Variants in ZFYVE9 observed in about 807,000 individuals in gnomAD.
ZFYVE9 encodes zinc finger FYVE domain-containing protein 9.
ZFYVE9 carries 43 observed loss-of-function variants against 126.7 expected under a neutral mutation model. The observed-to-expected ratio is 0.34, with a 90% CI of 0.27 to 0.44. The LOEUF is 0.44. ZFYVE9 is among the 20% of genes least tolerant of loss of function. The pLI is 1.00. For synonymous variants in ZFYVE9, 521 were observed against 597.4 expected, an observed-to-expected ratio of 0.87 and a Z score of 1.87; for missense variants, 1,476 against 1,697.0, an observed-to-expected ratio of 0.87 and a Z score of 2.29.
chr1:52,197,317 G>C (rs1021996320), intron 1 of ZFYVE9, among the ~76,000 whole-genome samples: 3 of 152,116 alleles, frequency 2.0e-5, no homozygotes, highest in Non-Finnish European at 4.4e-5. Context: ...AGAAAACATT[G>C]ATTAGTATGA....
At chr1:52,186,626 A>G (rs966930228) in intron 1 of ZFYVE9, among the ~76,000 whole-genome samples, 1 of 152,220 alleles carries the variant, frequency 6.6e-6, no homozygotes, top group African/African-American at 2.4e-5. Context: ...GTTTCAGGAT[A>G]CAGAATAAAC....
chr1:52,155,296 C>T (rs141939121), intron 1 of ZFYVE9, among the ~76,000 whole-genome samples: 5,478 of 146,350 alleles, frequency 0.037, 141 homozygotes, highest in Non-Finnish European at 0.056. Context: ...TGCAGTGGCG[C>T]GATTTCGGCT....
chr1:52,275,475 A>G (rs937550801), intron 8 of ZFYVE9, among the ~76,000 whole-genome samples: 1 of 152,206 alleles, frequency 6.6e-6, no homozygotes, highest in African/African-American at 2.4e-5. Flanking sequence ...ACTGCTTTCC[A>G]CAGTGGCTGA....
chr1:52,336,947 T>TAAAAAAAAAAAAAAAAAA lies in ZFYVE9; in HGVS notation c.3671-820_3671-803dup, dbSNP rs71041896. Among the ~76,000 whole-genome samples the TAAAAAAAAAAAAAAAAAA allele has an allele frequency of 2.2e-4, 24 of 107,848 alleles. 1 individual carries two copies. Among genetic ancestry groups the TAAAAAAAAAAAAAAAAAA allele is most frequent in the East Asian group, 1.4e-3 (5 of 3,496 alleles). 70.8% of individuals were successfully genotyped at this position (107,848 alleles called of 152,430 possible). On this transcript the variant is annotated intron_variant, in intron 15 of 18. Transcript: ENST00000287727. ...CGCTCCAACCTGGGCAGTCATCTCT[T>TAAAAAAAAAAAAAAAAAA]AAAAAAAAAAAAAAAAAAAAAAGAT... is the stretch of plus-strand genomic sequence containing the variant.
intron 4 of ZFYVE9, chr1:52,252,094 G>T: frequency 6.1e-6 from 1 of 163,834 alleles, no homozygotes. Flanking sequence ...TAAATCTTTT[G>T]CTCCATTTAT....
chr1:52,176,460 G>C (rs1644630155), intron 1 of ZFYVE9, among the ~76,000 whole-genome samples: 1 of 152,168 alleles, frequency 6.6e-6, no homozygotes, highest in African/African-American at 2.4e-5. Context: ...CACTTGAGGA[G>C]GCAGTCTGCC....
At position 52,207,167 on chromosome 1, in the gene ZFYVE9, G is replaced by C. The variant is rs1261576111; in HGVS notation, c.-142-9202G>C. 2.6e-5 allele frequency among the ~76,000 whole-genome samples: 4 copies of C among 152,176 alleles called. No individual in the cohort carries two copies. The East Asian group carries it at 7.7e-4, about 29-fold the overall frequency. On this transcript the variant is annotated intron_variant, in intron 1 of 18. Transcript: ENST00000287727. ...CATCACAGGGATGTTGTATATCTCA[G>C]TAGTTTCTGTCCCTATGACATGTAT... is the stretch of plus-strand genomic sequence containing the variant.
intron 4 of ZFYVE9, among the ~76,000 whole-genome samples, chr1:52,247,635 T>C (rs1645400204): frequency 6.6e-6 from 1 of 152,134 alleles, no homozygotes; most frequent in Non-Finnish European, 1.5e-5. Flanking sequence ...TAGTTGGGAT[T>C]ACAAGCACCC....
intron 4 of ZFYVE9, among the ~76,000 whole-genome samples, chr1:52,248,717 A>G (rs549628533): frequency 2.0e-5 from 3 of 152,352 alleles, no homozygotes; most frequent in East Asian, 1.9e-4. Flanking sequence ...CAATAATGCT[A>G]CTATGAACAT....
At chr1:52,271,827 A>ATTTAT (rs1225480841) in intron 7 of ZFYVE9, among the ~76,000 whole-genome samples, 13 of 152,020 alleles carry the variant, frequency 8.6e-5, no homozygotes, top group South Asian at 4.1e-4. Flanking sequence ...ACATGGGCAT[A>ATTTAT]TTTATTTTAT....
chr1:52,183,916 A>G (rs1379304661), intron 1 of ZFYVE9, among the ~76,000 whole-genome samples: 4 of 148,822 alleles, frequency 2.7e-5, no homozygotes, highest in Non-Finnish European at 5.9e-5. Flanking sequence ...GTGCAGTGGC[A>G]TGATCCTGAC....
At chr1:52,144,386 G>A (rs1291877298) in intron 1 of ZFYVE9, among the ~76,000 whole-genome samples, 2 of 152,052 alleles carry the variant, frequency 1.3e-5, no homozygotes. Flanking sequence ...TCAGTTGAGA[G>A]TGCTTGTTAT....
At chr1:52,248,276 G>C (rs1023812868) in intron 4 of ZFYVE9, among the ~76,000 whole-genome samples, 3 of 152,158 alleles carry the variant, frequency 2.0e-5, no homozygotes, top group African/African-American at 7.2e-5. Context: ...AGAGCCCAAA[G>C]AACCTGGAGT....
chr1:52,185,734 C>T (rs558349421), intron 1 of ZFYVE9, among the ~76,000 whole-genome samples: 10 of 152,054 alleles, frequency 6.6e-5, no homozygotes, highest in African/African-American at 2.4e-4. Context: ...CCATCCTGGC[C>T]AACATGGTGA....
At chr1:52,277,913 C>A (rs560772291) in intron 8 of ZFYVE9, among the ~76,000 whole-genome samples, 174 of 152,270 alleles carry the variant, frequency 1.1e-3, no homozygotes, top group Non-Finnish European at 2.1e-3. Context: ...GACATATGTA[C>A]TAAACTCTTA....
chr1:52,146,049 A>ACACT (rs1397555601), intron 1 of ZFYVE9, among the ~76,000 whole-genome samples: 1 of 151,600 alleles, frequency 6.6e-6, no homozygotes, highest in Non-Finnish European at 1.5e-5. Flanking sequence ...ACACACACAC[A>ACACT]CACACACAAA....
At chr1:52,181,988 G>A (rs1389743869) in intron 1 of ZFYVE9, among the ~76,000 whole-genome samples, 1 of 151,812 alleles carries the variant, frequency 6.6e-6, no homozygotes, top group African/African-American at 2.4e-5. Flanking sequence ...GCCCCGTCCC[G>A]GAGGGAGGCG....
At chr1:52,338,067 A>G in intron 16 of ZFYVE9, 133 bp downstream of exon 16, 1 of 1,153,290 alleles carries the variant, frequency 8.7e-7, no homozygotes, top group Admixed American at 3.0e-5. Flanking sequence ...TTGTATGCTT[A>G]ACGTAGAATT....
chr1:52,216,340 G>A (rs1645072223), intron 1 of ZFYVE9, 29 bp from the exon 2 acceptor site: 1 of 398,250 alleles, frequency 2.5e-6, no homozygotes, highest in Non-Finnish European at 4.4e-6. Context: ...GTTTCAGCAA[G>A]TGTAATGAGC....
Sources: allele counts gnomAD v4.1 joint callset (sites outside exome capture counted in the v4.1 genomes callset), GRCh38; gene constraint gnomAD v4.1.1; transcripts MANE v1.5; gene names NCBI Gene and HGNC (gene_info 2026-07-23, HGNC 2026-07-21).